FAM178B: variants seen among roughly 807,000 people sequenced by gnomAD.
The protein encoded by FAM178B is protein FAM178B.
A neutral mutation model predicts 91.7 loss-of-function variants in FAM178B; 82 were observed. That is an observed-to-expected ratio of 0.89 (90% confidence interval 0.75 to 1.07). The LOEUF is 1.07. Ranked by LOEUF, FAM178B falls within the 50% of genes least tolerant of loss-of-function variation. The pLI is 0.00. For missense variants in FAM178B, 769 were observed against 846.7 expected (o/e 0.91, Z 1.14); for synonymous variants, 368 against 359.4 (o/e 1.02, Z -0.27).
intron 1 of FAM178B, among the ~76,000 whole-genome samples, chr2:96,978,978 T>C (rs1484464462): frequency 4.1e-5 from 6 of 145,888 alleles, no homozygotes; most frequent in Admixed American, 6.8e-5. Context: ...GTATCACTTT[T>C]TTTTTTTTTT....
chr2:96,911,850 G>C (rs2081164672), intron 12 of FAM178B, among the ~76,000 whole-genome samples: 1 of 152,184 alleles, frequency 6.6e-6, no homozygotes, highest in Non-Finnish European at 1.5e-5. Context: ...ATGGAAGACA[G>C]GGAAGGGGTC....
At chr2:96,969,595 G>T (rs572937662) in intron 4 of FAM178B, among the ~76,000 whole-genome samples, 1 of 152,232 alleles carries the variant, frequency 6.6e-6, no homozygotes. Flanking sequence ...GTCACGAGGA[G>T]GCCCCAGCTG....
At chr2:96,957,205 G>A (rs1046498347) in intron 6 of FAM178B, among the ~76,000 whole-genome samples, 2 of 152,116 alleles carry the variant, frequency 1.3e-5, no homozygotes, top group Admixed American at 6.6e-5. Flanking sequence ...CATGTTTCTG[G>A]CTGAATATGG....
At chr2:96,898,925 C>T (rs1280171925) in intron 13 of FAM178B, among the ~76,000 whole-genome samples, 1 of 152,244 alleles carries the variant, frequency 6.6e-6, no homozygotes, top group Non-Finnish European at 1.5e-5. Context: ...CCGATGAGAA[C>T]ATGCAGCACT....
chr2:96,960,400 G>A lies in FAM178B; in HGVS notation c.775C>T (p.Pro259Ser). Residue 259 changes from proline (P) to serine (S), a missense_variant, in exon 6 of 17, where the codon CCG becomes TCG. Physicochemically the swap from Pro to Ser is moderately conservative, Grantham distance 74 (BLOSUM62 -1). Coordinates refer to ENST00000490605, the MANE Select transcript of FAM178B (RefSeq NM_001122646.3). ...ACAGTCTCACCTGGATGGACCGGCG[G>A]GATGGTCTGCAGGGACACTGAGTAC... ...EKYSVSLQTI[P>S]PVHPGETVFL... The A allele has an allele frequency of 6.4e-7, 1 of 1,551,602 alleles. No individual in the cohort carries two copies. The highest frequency in any genetic ancestry group is 8.7e-7 in the Non-Finnish European group (1 of 1,146,824).
rs190894029 is a variant in FAM178B at position 96,960,874 on chromosome 2, C to T, written c.735-434G>A. ...GGGCCCAGGAGAGGAGCGCTGGGTG[C>T]GGCCAGTGTCGGGGACGGCATCCTG... is the stretch of plus-strand genomic sequence containing the variant. On this transcript the variant is annotated intron_variant, in intron 5 of 16. Coordinates refer to ENST00000490605, the MANE Select transcript of FAM178B (RefSeq NM_001122646.3). Among the ~76,000 whole-genome samples the T allele has an allele frequency of 2.8e-3, 425 of 152,202 alleles. 2 individuals carry two copies. Among genetic ancestry groups the T allele is most frequent in the Middle Eastern group, 0.017 (5 of 294 alleles).
chr2:96,934,622 C>A (rs1184099394), intron 8 of FAM178B, among the ~76,000 whole-genome samples: 3 of 152,216 alleles, frequency 2.0e-5, no homozygotes, highest in Admixed American at 6.5e-5. Context: ...AGGATGCAGG[C>A]AGACCGGCGT....
At chr2:96,948,507 AT>A (rs2081868715) in intron 7 of FAM178B, among the ~76,000 whole-genome samples, 2 of 152,240 alleles carry the variant, frequency 1.3e-5, no homozygotes, top group African/African-American at 4.8e-5. Flanking sequence ...GTTTGGAAAC[AT>A]GCAGAGAGGC....
chr2:96,902,804 C>T, intron 12 of FAM178B, 97 bp from the exon 13 acceptor site: 1 of 797,950 alleles, frequency 1.3e-6, no homozygotes, highest in South Asian at 1.5e-5. Flanking sequence ...TTGGGGGAGC[C>T]ACCCTCCATC....
At chr2:96,979,391 G>A (rs1421661429) in intron 1 of FAM178B, among the ~76,000 whole-genome samples, 6 of 150,686 alleles carry the variant, frequency 4.0e-5, no homozygotes, top group Admixed American at 3.3e-4. Flanking sequence ...TAGTAGAGAC[G>A]GGGTTTCATC....
intron 6 of FAM178B, among the ~76,000 whole-genome samples, chr2:96,953,848 C>G (rs1489940323): frequency 2.0e-5 from 3 of 152,176 alleles, no homozygotes; most frequent in African/African-American, 4.8e-5. Context: ...GGCTGCTGGG[C>G]AGGGAATGGG....
At chr2:96,980,781 C>CT (rs201636808) in intron 1 of FAM178B, among the ~76,000 whole-genome samples, 88 of 151,068 alleles carry the variant, frequency 5.8e-4, no homozygotes, top group African/African-American at 1.8e-3. Flanking sequence ...ACCTAGATAT[C>CT]TTTTTTTTTC....
intron 6 of FAM178B, among the ~76,000 whole-genome samples, chr2:96,957,634 G>A (rs2082018858): frequency 6.6e-6 from 1 of 152,200 alleles, no homozygotes; most frequent in Non-Finnish European, 1.5e-5. Flanking sequence ...CAGAAAACCT[G>A]CTGTCGGCAC....
At chr2:96,945,841 A>G (rs1045158550) in intron 8 of FAM178B, among the ~76,000 whole-genome samples, 5 of 152,190 alleles carry the variant, frequency 3.3e-5, no homozygotes, top group Admixed American at 2.0e-4. Flanking sequence ...GGTAAAATAC[A>G]CATAACATAA....
chr2:96,964,171 G>A (rs1431937123), intron 5 of FAM178B, among the ~76,000 whole-genome samples: 2 of 150,884 alleles, frequency 1.3e-5, no homozygotes, highest in African/African-American at 2.4e-5. Context: ...CTCCATCTTG[G>A]GGGAAAAATA....
chr2:96,950,321 G>A (rs2081904273), intron 7 of FAM178B, among the ~76,000 whole-genome samples: 1 of 152,196 alleles, frequency 6.6e-6, no homozygotes, highest in African/African-American at 2.4e-5. Context: ...TCTGGGCCTT[G>A]GGTGGGGGAT....
chr2:96,903,759 C>A (rs963696376), intron 12 of FAM178B, among the ~76,000 whole-genome samples: 4 of 152,200 alleles, frequency 2.6e-5, no homozygotes, highest in Admixed American at 2.0e-4. Flanking sequence ...CCCAGCCTTG[C>A]ATGCAGAGAG....
chr2:96,930,243 A>T lies in FAM178B; in HGVS notation c.1079-923T>A, dbSNP rs113087333. Among the ~76,000 whole-genome samples the T allele has an allele frequency of 1.0e-3, 143 of 137,580 alleles. 1 individual carries two copies. The highest frequency in any genetic ancestry group is 3.6e-3 in the African/African-American group (137 of 38,168). The allele number at this position is 137,580 out of a possible 152,430, so 90.3% of individuals were successfully genotyped here. A position where few individuals can be genotyped will look rare whatever the true frequency, so the allele number is the denominator to read the frequency against. ...AAAAAAAAAAAAAAAAAAAAAAAAAAATCTGACCACGTCAGCAAACAGGGA... is the reference window on the plus strand; with the variant it reads ...AAAAAAAAAAAAAAAAAAAAAAAAATATCTGACCACGTCAGCAAACAGGGA... On this transcript the variant is annotated intron_variant, in intron 8 of 16. Transcript: ENST00000490605.
chr2:96,913,036 A>G lies in FAM178B; in HGVS notation c.1562+8129T>C, dbSNP rs575766564. 6.6e-5 allele frequency among the ~76,000 whole-genome samples: 10 copies of G among 152,318 alleles called. 1 individual carries two copies. The South Asian group carries it at 2.1e-3, about 32-fold the overall frequency. Reference sequence around the variant, plus strand: ...CAGAACGGCTGTTTTAAGGTAGGAGACGCAGGAACGCATTTATTTGCTGCA... The same window carrying G: ...CAGAACGGCTGTTTTAAGGTAGGAGGCGCAGGAACGCATTTATTTGCTGCA... On this transcript the variant is annotated intron_variant, in intron 12 of 16. Coordinates refer to ENST00000490605, the MANE Select transcript of FAM178B (RefSeq NM_001122646.3).
Sources: allele counts gnomAD v4.1 joint callset (sites outside exome capture counted in the v4.1 genomes callset), GRCh38; gene constraint gnomAD v4.1.1; transcripts MANE v1.5; gene names NCBI Gene and HGNC (gene_info 2026-07-23, HGNC 2026-07-21).